Variants in FANK1 observed in about 807,000 individuals in gnomAD.
FANK1 encodes the protein fibronectin type 3 and ankyrin repeat domains protein 1.
Under a neutral mutation model 45.3 loss-of-function variants are expected in FANK1, and 44 were observed. The ratio of observed to expected loss-of-function variants is 0.97; its 90% CI spans 0.76 to 1.25. The LOEUF (loss-of-function observed/expected upper bound fraction) is 1.25. Ranked by LOEUF, FANK1 falls within the 50% of genes most tolerant of loss-of-function variation. The pLI, the probability that FANK1 is intolerant of heterozygous loss-of-function variation, is 0.00. For missense variants in FANK1, 391 were observed against 424.4 expected (o/e 0.92, Z 0.69); for synonymous variants, 149 against 152.5 (o/e 0.98, Z 0.17).
At chr10:125,958,548 T>G (rs1949723834) in intron 1 of FANK1, among the ~76,000 whole-genome samples, 1 of 152,198 alleles carries the variant, frequency 6.6e-6, no homozygotes, top group African/African-American at 2.4e-5. Context: ...TTTTGTAGTT[T>G]TTTGAGGAAC....
At chr10:126,002,890 G>A (rs1439369645) in intron 6 of FANK1, among the ~76,000 whole-genome samples, 3 of 149,128 alleles carry the variant, frequency 2.0e-5, no homozygotes, top group African/African-American at 7.4e-5. Flanking sequence ...CATAGTAATC[G>A]TGTCATATCA....
At chr10:125,902,586 T>G (rs1253114668) in intron 1 of FANK1, among the ~76,000 whole-genome samples, 1 of 152,288 alleles carries the variant, frequency 6.6e-6, no homozygotes, top group Non-Finnish European at 1.5e-5. Flanking sequence ...CAGGTACTTA[T>G]AAATGTTAGG....
At chr10:126,002,038 C>T (rs866634968) in intron 6 of FANK1, among the ~76,000 whole-genome samples, 5 of 151,930 alleles carry the variant, frequency 3.3e-5, no homozygotes, top group Non-Finnish European at 2.9e-5. Context: ...ATAGGCTGGG[C>T]GTGGTGGCTC....
Position 125,983,594 on chromosome 10 carries a change from A to G in FANK1, c.191+3256A>G, listed in dbSNP as rs1288312353. ...AAGCAAGGATACCTGGAGCCTTGCA[A>G]CTATCTGGGGGAAGAACCTTCCAGA... On this transcript the variant is annotated intron_variant, in intron 2 of 10. Coordinates refer to ENST00000368693, the MANE Select transcript of FANK1 (RefSeq NM_145235.5). The surrounding 1 kb of genome is among the most constrained non-coding windows in gnomAD (Gnocchi z 4.3). Among the ~76,000 whole-genome samples, 1 of 152,210 alleles carries G rather than the reference A, an allele frequency of 6.6e-6. No homozygotes were observed. Among genetic ancestry groups the G allele is most frequent in the Non-Finnish European group, 1.5e-5 (1 of 68,036 alleles).
rs979831264 is a variant in FANK1 at position 126,005,209 on chromosome 10, A to G, written c.705+160A>G. 5.3e-5 allele frequency among the ~76,000 whole-genome samples: 8 copies of G among 152,284 alleles called. No individual in the cohort carries two copies. The South Asian group carries it at 1.2e-3, about 24-fold the overall frequency. On this transcript the variant is annotated intron_variant, in intron 7 of 10. Coordinates refer to ENST00000368693, the MANE Select transcript of FANK1 (RefSeq NM_145235.5). ...AAGCCCCTGAAACCTTAGAATGGAC[A>G]TGAGAGTGAGCTTTCCGATTGTCAT...
chr10:125,995,639 G>C, intron 4 of FANK1, 141 bp downstream of exon 4: 1 of 698,330 alleles, frequency 1.4e-6, no homozygotes, highest in Non-Finnish European at 2.5e-6. Flanking sequence ...TGACTGGTGT[G>C]AGTTAATAAA....
At position 126,005,060 on chromosome 10, in the gene FANK1, T is replaced by C. The variant is rs1299833850; in HGVS notation, c.705+11T>C. ...AAGGATGGCTGTGAGGTACGGGACC[T>C]GCCTTGTTAACCACGCACATATCGT... On this transcript the variant is annotated intron_variant, in intron 7 of 10. Coordinates refer to ENST00000368693, the MANE Select transcript of FANK1 (RefSeq NM_145235.5). The C allele has an allele frequency of 1.2e-6, 2 of 1,609,346 alleles. No homozygotes were observed. Among genetic ancestry groups the C allele is most frequent in the East Asian group, 2.2e-5 (1 of 44,768 alleles).
intron 2 of FANK1, among the ~76,000 whole-genome samples, chr10:125,986,029 A>G (rs1414383019): frequency 1.3e-5 from 2 of 152,064 alleles, no homozygotes; most frequent in Non-Finnish European, 2.9e-5. Context: ...CTCTTCTACC[A>G]CTTCCCATCC....
chr10:125,930,500 CTT>C (rs530257946), intron 1 of FANK1, among the ~76,000 whole-genome samples: 17 of 138,740 alleles, frequency 1.2e-4, no homozygotes, highest in South Asian at 4.7e-4. Flanking sequence ...CCACACTCAA[CTT>C]TTTTTTTTTT....
chr10:125,938,906 C>T (rs1028155329), intron 1 of FANK1, among the ~76,000 whole-genome samples: 2 of 152,112 alleles, frequency 1.3e-5, no homozygotes, highest in Non-Finnish European at 2.9e-5. Flanking sequence ...AGCATTTGAG[C>T]ATCAAAAAGA....
At chr10:126,008,378 T>C (rs1171870924) in intron 7 of FANK1, 29 bp from the exon 8 acceptor site, 1 of 1,550,140 alleles carries the variant, frequency 6.5e-7, no homozygotes, top group African/African-American at 1.4e-5. Flanking sequence ...GAAATTGGGC[T>C]CAACACAGCT....
chr10:125,970,819 A>AGG (rs1305593033), intron 1 of FANK1, among the ~76,000 whole-genome samples: 2 of 152,220 alleles, frequency 1.3e-5, no homozygotes, highest in East Asian at 3.9e-4. Context: ...GATGGAGACG[A>AGG]GGGAGAGGGG....
In FANK1 at chr10:125,988,549, A is replaced by G; in HGVS notation, c.192-2A>G. On this transcript the variant is annotated splice_acceptor_variant, in intron 2 of 10. Transcript: ENST00000368693. LOFTEE classifies it high-confidence loss of function. ...TCAGCATGTTTGTCTCCTCCTGTCT[A>G]GGGGATATGCAACGAAGCATGTTGT... 1 of 1,613,900 alleles carries G rather than the reference A, an allele frequency of 6.2e-7. No homozygotes were observed. The highest frequency in any genetic ancestry group is 8.5e-7 in the Non-Finnish European group (1 of 1,179,856).
intron 1 of FANK1, among the ~76,000 whole-genome samples, chr10:125,947,484 C>T (rs917920684): frequency 2.7e-5 from 4 of 150,580 alleles, no homozygotes; most frequent in African/African-American, 4.9e-5. Context: ...ATAAAACAGA[C>T]TTCAAACCAA....
chr10:125,922,453 A>G (rs974304172), intron 1 of FANK1, among the ~76,000 whole-genome samples: 1 of 152,224 alleles, frequency 6.6e-6, no homozygotes, highest in Admixed American at 6.5e-5. Context: ...AATTGTGATC[A>G]GTGGAAATGA....
intron 3 of FANK1, among the ~76,000 whole-genome samples, chr10:125,990,258 G>C (rs2134212444): frequency 6.6e-6 from 1 of 152,320 alleles, no homozygotes; most frequent in African/African-American, 2.4e-5. Context: ...GCTTGTGGGA[G>C]TTCCTTAATA....
intron 1 of FANK1, among the ~76,000 whole-genome samples, chr10:125,925,096 CTA>C (rs564153183): frequency 1.7e-3 from 253 of 151,930 alleles, no homozygotes; most frequent in Non-Finnish European, 2.9e-3. Context: ...ATCTCATGTT[CTA>C]TATGTTTGCA....
intron 1 of FANK1, among the ~76,000 whole-genome samples, chr10:125,935,870 A>G (rs1385260275): frequency 6.6e-6 from 1 of 152,164 alleles, no homozygotes; most frequent in Non-Finnish European, 1.5e-5. Context: ...TCTTTAGTCT[A>G]AAAATGTTAG....
intron 1 of FANK1, chr10:125,973,098 C>T (rs1467627064): frequency 1.3e-5 from 2 of 152,226 alleles, no homozygotes; most frequent in Admixed American, 6.5e-5. Context: ...GTGCCAAGCT[C>T]ACTGATGGAG....
Sources: allele counts gnomAD v4.1 joint callset (sites outside exome capture counted in the v4.1 genomes callset), GRCh38; gene constraint gnomAD v4.1.1; non-coding constraint Gnocchi (gnomAD v3.1); transcripts MANE v1.5; gene names NCBI Gene and HGNC (gene_info 2026-07-23, HGNC 2026-07-21).